The following ACMSD variants were observed in gnomAD, a reference collection of about 807,000 sequenced individuals.
ACMSD encodes 2-amino-3-carboxymuconate-6-semialdehyde decarboxylase.
ACMSD carries 37 observed loss-of-function variants against 45.9 expected under a neutral mutation model. That is an observed-to-expected ratio of 0.81 (90% confidence interval 0.62 to 1.06). The LOEUF (loss-of-function observed/expected upper bound fraction) is 1.06. Ranked by LOEUF, ACMSD falls within the 50% of genes least tolerant of loss-of-function variation. The pLI is 0.00. For synonymous variants in ACMSD, 138 were observed against 148.8 expected, an observed-to-expected ratio of 0.93 and a Z score of 0.53; for missense variants, 434 against 420.9, an observed-to-expected ratio of 1.03 and a Z score of -0.27.
At chr2:134,852,185 C>A (rs1045991040) in intron 2 of ACMSD, among the ~76,000 whole-genome samples, 5 of 152,150 alleles carry the variant, frequency 3.3e-5, no homozygotes, top group Non-Finnish European at 7.4e-5. Context: ...CGGGGTCTTA[C>A]AGGCCAGGTT....
chr2:134,868,805 C>G (rs114446611), intron 6 of ACMSD: 1 of 151,976 alleles, frequency 6.6e-6, no homozygotes, highest in Admixed American at 6.6e-5. Context: ...CCAACTAGTA[C>G]AATTAGTAAT....
intron 8 of ACMSD, among the ~76,000 whole-genome samples, chr2:134,885,319 A>ATT (rs35092050): frequency 5.8e-5 from 6 of 103,164 alleles, no homozygotes; most frequent in Non-Finnish European, 8.8e-5. Context: ...ATATATATAT[A>ATT]AATATATATG....
In ACMSD at chr2:134,847,646, T is replaced by C. The variant is rs150903739; in HGVS notation, c.102+2369T>C. Among the ~76,000 whole-genome samples the C allele has an allele frequency of 1.2e-3, 188 of 152,198 alleles. 5 individuals are homozygous for C. The Middle Eastern group carries it at 0.037, about 30-fold the overall frequency. ...CCCGACAGGCCATGGTGTGTGATGT[T>C]TCCCTCCCTGTGTCCATGTGTTCTC... is the stretch of plus-strand genomic sequence containing the variant. On this transcript the variant is annotated intron_variant, in intron 2 of 9. Transcript: ENST00000356140.
intron 7 of ACMSD, among the ~76,000 whole-genome samples, chr2:134,871,282 A>G (rs1445490343): frequency 6.6e-6 from 1 of 152,140 alleles, no homozygotes; most frequent in East Asian, 1.9e-4. Context: ...TCTTACAAGG[A>G]CATCAGTACA....
chr2:134,859,071 C>A, intron 2 of ACMSD, among the ~76,000 whole-genome samples, 190 bp from the exon 3 acceptor site: 1 of 150,788 alleles, frequency 6.6e-6, no homozygotes, highest in South Asian at 2.1e-4. Flanking sequence ...CACACCCCTT[C>A]AACTCTAGGC....
At chr2:134,895,451 T>G (rs947602122) in intron 8 of ACMSD, among the ~76,000 whole-genome samples, 4 of 151,066 alleles carry the variant, frequency 2.6e-5, no homozygotes, top group African/African-American at 9.7e-5. Flanking sequence ...AAACTTAATG[T>G]TGCTAACTGG....
intron 2 of ACMSD, among the ~76,000 whole-genome samples, chr2:134,858,347 A>G (rs1350429415): frequency 6.6e-6 from 1 of 152,182 alleles, no homozygotes; most frequent in East Asian, 1.9e-4. Context: ...CATCAAGAAA[A>G]ATGGTGGTTA....
At chr2:134,862,361 G>A (rs1008859763) in intron 4 of ACMSD, among the ~76,000 whole-genome samples, 2 of 152,244 alleles carry the variant, frequency 1.3e-5, no homozygotes, top group Middle Eastern at 3.4e-3. Context: ...CTTCTGAGAC[G>A]AGAATGATTT....
rs1690461234 is a variant in ACMSD at position 134,900,880 on chromosome 2, T to C, written c.949-918T>C. 2.0e-5 allele frequency among the ~76,000 whole-genome samples: 3 copies of C among 152,148 alleles called. 1 individual carries two copies. In the South Asian group the frequency reaches 6.2e-4, roughly 32 times the overall value. On this transcript the variant is annotated intron_variant, in intron 9 of 9. Transcript: ENST00000356140. ...CCTTGACTCCAGGATCAGATCTCCA[T>C]CCAACACTCTGAAGGGTACCTCCCT...
Position 134,901,864 on chromosome 2 carries a change from A to T in ACMSD, c.*4A>T, listed in dbSNP as rs747750405. On this transcript the variant is annotated 3_prime_UTR_variant, in exon 10 of 10. Coordinates refer to ENST00000356140, the MANE Select transcript of ACMSD (RefSeq NM_138326.3). Reference sequence around the variant, plus strand: ...TGAGAGAAAACAATTTGAATGACTGAATTTACTACAAAGGCAAACTTTCAA... The same window carrying T: ...TGAGAGAAAACAATTTGAATGACTGTATTTACTACAAAGGCAAACTTTCAA... 1 of 1,595,598 alleles carries T rather than the reference A, an allele frequency of 6.3e-7. No individual in the cohort carries two copies. Among genetic ancestry groups the T allele is most frequent in the South Asian group, 1.1e-5 (1 of 88,318 alleles).
At chr2:134,856,721 G>T (rs574649393) in intron 2 of ACMSD, among the ~76,000 whole-genome samples, 10 of 152,068 alleles carry the variant, frequency 6.6e-5, no homozygotes, top group African/African-American at 2.4e-4. Context: ...TATATAGTTT[G>T]GATGGTAACT....
chr2:134,866,411 C>A (rs1688098545), intron 5 of ACMSD, among the ~76,000 whole-genome samples: 1 of 152,102 alleles, frequency 6.6e-6, no homozygotes, highest in South Asian at 2.1e-4. Flanking sequence ...CCAAACCATC[C>A]CAAGAGGTCA....
At chr2:134,838,844 G>A (rs1272501801) in intron 1 of ACMSD, 105 bp downstream of exon 1, 21 of 755,094 alleles carry the variant, frequency 2.8e-5, no homozygotes, top group South Asian at 4.1e-5. Context: ...TGCTTTGGTG[G>A]GGGGCGAGGG....
At chr2:134,872,928 A>G (rs17257081) in intron 8 of ACMSD, 76,097 of 354,812 alleles carry the variant, frequency 0.21, 9,537 homozygotes, top group Middle Eastern at 0.53. Context: ...TTCCTTAGCG[A>G]CATCCCTATA....
chr2:134,871,682 G>GACACACACACACACAC lies in ACMSD; in HGVS notation c.676+638_676+653dup, dbSNP rs1170611331. On this transcript the variant is annotated intron_variant, in intron 7 of 9. Transcript: ENST00000356140. ...TGAATTTGTGACCCTTCAACAGACAGACACACACACACACACACACACACA... is the reference window on the plus strand; with the variant it reads ...TGAATTTGTGACCCTTCAACAGACAGACACACACACACACACACACACACACACACACACACACACA... Among the ~76,000 whole-genome samples, 30 of 139,000 alleles carry GACACACACACACACAC rather than the reference G, an allele frequency of 2.2e-4. 1 individual carries two copies. The highest frequency in any genetic ancestry group is 6.5e-4 in the East Asian group (3 of 4,596). The allele number at this position is 139,000 out of a possible 152,430, so 91.2% of individuals were successfully genotyped here. A position where few individuals can be genotyped will look rare whatever the true frequency, so the allele number is the denominator to read the frequency against.
intron 4 of ACMSD, among the ~76,000 whole-genome samples, chr2:134,862,712 G>A (rs1051179823): frequency 1.3e-5 from 2 of 152,214 alleles, no homozygotes; most frequent in Non-Finnish European, 2.9e-5. Flanking sequence ...ACTTAAAAGT[G>A]CCCTGAGACC....
intron 2 of ACMSD, among the ~76,000 whole-genome samples, chr2:134,847,158 GC>G (rs1446162635): frequency 6.6e-6 from 1 of 152,162 alleles, no homozygotes; most frequent in Non-Finnish European, 1.5e-5. Context: ...TCAAAACAAT[GC>G]AAATTCTTCG....
chr2:134,885,303 T>TATATA (rs1559064787), intron 8 of ACMSD, among the ~76,000 whole-genome samples: 6 of 102,574 alleles, frequency 5.8e-5, no homozygotes, highest in South Asian at 2.5e-4. Flanking sequence ...ATATATATAT[T>TATATA]TAAATATATA....
intron 6 of ACMSD, 121 bp downstream of exon 6, chr2:134,867,793 C>T: frequency 1.5e-6 from 1 of 687,572 alleles, no homozygotes; most frequent in Non-Finnish European, 2.5e-6. Flanking sequence ...TGAGTAATAG[C>T]AGCTATCACT....
Sources: gnomAD v4.1 joint callset for allele counts (sites outside exome capture counted in the v4.1 genomes callset) on GRCh38, gnomAD v4.1.1 for gene constraint, MANE v1.5 for transcripts, NCBI Gene and HGNC (gene_info 2026-07-23, HGNC 2026-07-21) for gene names.